The following SFI1 variants were observed in gnomAD, a reference collection of about 807,000 sequenced individuals.
The protein encoded by SFI1 is SFI1 centrin binding protein.
In SFI1, 195 loss-of-function variants were observed where a neutral mutation model predicts 207.5. That is an observed-to-expected ratio of 0.94 (90% CI 0.84 to 1.06). The LOEUF (loss-of-function observed/expected upper bound fraction) is 1.06, where lower values mean the gene tolerates loss of function less well. Ranked by LOEUF, SFI1 falls within the 50% of genes least tolerant of loss-of-function variation. SFI1 has a pLI of 0.00. For synonymous variants in SFI1, 630 were observed against 598.9 expected, an observed-to-expected ratio of 1.05 and a Z score of -0.76; for missense variants, 1,634 against 1,588.0, an observed-to-expected ratio of 1.03 and a Z score of -0.49.
intron 29 of SFI1, chr22:31,616,511 A>T (rs2071486648): frequency 2.2e-6 from 1 of 447,774 alleles, no homozygotes. Flanking sequence ...CTGTGGTGAC[A>T]CGGGGTGCTC....
chr22:31,525,810 G>C (rs1287188551), intron 2 of SFI1, among the ~76,000 whole-genome samples: 1 of 152,032 alleles, frequency 6.6e-6, no homozygotes, highest in Non-Finnish European at 1.5e-5. Flanking sequence ...TGTTCCATTG[G>C]CCTATGTGTC....
At chr22:31,601,283 C>T (rs937353512) in intron 15 of SFI1, among the ~76,000 whole-genome samples, 1 of 151,902 alleles carries the variant, frequency 6.6e-6, no homozygotes, top group Non-Finnish European at 1.5e-5. Flanking sequence ...ACCACCAGGC[C>T]CAGCTAATTT....
chr22:31,569,407 C>T (rs1425502892), intron 8 of SFI1, among the ~76,000 whole-genome samples: 2 of 152,064 alleles, frequency 1.3e-5, no homozygotes, highest in African/African-American at 2.4e-5. Context: ...TGACTCCAAG[C>T]CTAATGCAAA....
At chr22:31,544,212 C>T (rs2059871985) in intron 4 of SFI1, among the ~76,000 whole-genome samples, 1 of 151,978 alleles carries the variant, frequency 6.6e-6, no homozygotes. Flanking sequence ...AAATCAGCAC[C>T]ATCTGTCACT....
intron 8 of SFI1, among the ~76,000 whole-genome samples, chr22:31,564,814 ATT>A (rs776647555): frequency 9.8e-5 from 11 of 111,872 alleles, no homozygotes; most frequent in Admixed American, 1.0e-4. Context: ...CTGGCCCAGA[ATT>A]TTTTTTTTTT....
chr22:31,608,582 T>C (rs1456427151), intron 22 of SFI1, among the ~76,000 whole-genome samples: 2 of 152,022 alleles, frequency 1.3e-5, no homozygotes, highest in African/African-American at 4.8e-5. Context: ...AGAAATCTAT[T>C]CCCAACTGAC....
Position 31,531,093 on chromosome 22 carries a change from G to C in SFI1, c.302G>C (p.Arg101Pro), listed in dbSNP as rs200150663. Residue 101 changes from arginine (R) to proline (P), a missense_variant, in exon 4 of 33, where the codon CGA becomes CCA. Coordinates refer to ENST00000400288, the MANE Select transcript of SFI1 (RefSeq NM_001007467.3). ...VARKFLYLWI[R>P]MTFGRVFPSK... The stretch of plus-strand genomic sequence containing the variant: ...AGAAAGTTCTTATATTTATGGATTC[G>C]AATGACTTTTGGAAGAGTATTTCCC... 1.4e-3 allele frequency: 2,290 copies of C among 1,613,402 alleles called. 5 individuals are homozygous for C. Among genetic ancestry groups the C allele is most frequent in the Non-Finnish European group, 1.6e-3 (1,894 of 1,179,748 alleles).
Position 31,613,712 on chromosome 22 carries a change from G to A in SFI1, c.2853G>A (p.Arg951=). 2 of 1,613,182 alleles carry A rather than the reference G, an allele frequency of 1.2e-6. No individual in the cohort carries two copies. The highest frequency in any genetic ancestry group is 1.7e-6 in the Non-Finnish European group (2 of 1,179,918). Residue 951 remains arginine, a synonymous_variant, in exon 27 of 33, where the codon AGG becomes AGA. Coordinates refer to ENST00000400288, the MANE Select transcript of SFI1 (RefSeq NM_001007467.3). The part of the protein sequence containing the change: ...PQPLAAIAPS[R]KVTFEGPLLN... ...CCCTGGCAGCCATCGCACCCAGCAG[G>A]AAAGTGACGTTTGAGGGTCCCCTTC... is the stretch of plus-strand genomic sequence containing the variant.
At chr22:31,607,899 GTA>G in intron 21 of SFI1, 36 bp from the exon 22 acceptor site, 1 of 1,591,712 alleles carries the variant, frequency 6.3e-7, no homozygotes, top group Non-Finnish European at 8.6e-7. Context: ...AAGCCAGGAG[GTA>G]TAGTGACTCT....
At position 31,550,320 on chromosome 22, in the gene SFI1, G is replaced by C. The variant is rs1367599147; in HGVS notation, c.516G>C (p.Arg172Ser). 1 of 1,614,106 alleles carries C rather than the reference G, an allele frequency of 6.2e-7. No homozygotes were observed. Among genetic ancestry groups the C allele is most frequent in the South Asian group, 1.1e-5 (1 of 91,068 alleles). ...ATGTGCGTCAGCAGCAGGAGATGAG[G>C]AACAAGTACATTAGAGCCGAGGTTC... ...KTYVRQQQEM[R>S]NKYIRAEVHD... Residue 172 changes from arginine to serine, a missense_variant, in exon 6 of 33, where the codon AGG becomes AGC. Arg to Ser is a moderately radical substitution (Grantham distance 110). Coordinates refer to ENST00000400288, the MANE Select transcript of SFI1 (RefSeq NM_001007467.3).
At position 31,597,056 on chromosome 22, in the gene SFI1, A is replaced by G. The variant is rs567799732; in HGVS notation, c.1545-5156A>G. 2.6e-4 allele frequency among the ~76,000 whole-genome samples: 39 copies of G among 149,832 alleles called. 1 individual carries two copies. The highest frequency in any genetic ancestry group is 8.9e-4 in the African/African-American group (36 of 40,388). On this transcript the variant is annotated intron_variant, in intron 15 of 32. Transcript: ENST00000400288. The stretch of plus-strand genomic sequence containing the variant: ...TTCAGTACTGAAGACACGCACACAC[A>G]GTACCCGTTTCCAAATGGCTTCAGT...
intron 7 of SFI1, chr22:31,559,637 A>G (rs984490239): frequency 1.3e-5 from 9 of 717,132 alleles, no homozygotes; most frequent in Non-Finnish European, 2.3e-5. Flanking sequence ...CGTTGACCTC[A>G]CCAAGTGGGC....
In SFI1 at chr22:31,511,564, TCAAG is replaced by T. The variant is rs1279044405; in HGVS notation, c.92+3192_92+3195del. ...CTCACTGCAACCTCTGCCTCCCAGT[TCAAG>T]CAATTCTCCTGCCTCAGCCTGGTTT... On this transcript the variant is annotated intron_variant, in intron 2 of 32. Coordinates refer to ENST00000400288, the MANE Select transcript of SFI1 (RefSeq NM_001007467.3). Among the ~76,000 whole-genome samples the T allele has an allele frequency of 2.7e-5, 4 of 147,122 alleles. No homozygotes were observed. The East Asian group carries it at 8.8e-4, about 33-fold the overall frequency.
At chr22:31,578,195 A>G (rs1478635198) in intron 10 of SFI1, 187 bp from the exon 11 acceptor site, 1 of 400,954 alleles carries the variant, frequency 2.5e-6, no homozygotes, top group Non-Finnish European at 4.4e-6. Flanking sequence ...ATGTTTGATC[A>G]GTAACTGACA....
intron 15 of SFI1, among the ~76,000 whole-genome samples, chr22:31,599,159 G>C (rs2067700766): frequency 6.6e-6 from 1 of 151,724 alleles, no homozygotes; most frequent in East Asian, 1.9e-4. Context: ...GCTACTCTAA[G>C]ATCTGAAAAT....
At chr22:31,530,945 A>T in intron 3 of SFI1, 113 bp from the exon 4 acceptor site, 1 of 793,638 alleles carries the variant, frequency 1.3e-6, no homozygotes, top group South Asian at 1.7e-5. Context: ...CTTTTGATTC[A>T]TACTAACATC....
In SFI1 at chr22:31,528,682, A is replaced by T. The variant is rs2058173440; in HGVS notation, c.93-8A>T. 4 of 1,611,266 alleles carry T rather than the reference A, an allele frequency of 2.5e-6. No homozygotes were observed. In the East Asian group the frequency reaches 8.9e-5, roughly 36 times the overall value. Reference sequence around the variant, plus strand: ...TCTCTCCTTGCCTCTTTCGTCCTCAAATTTAAGGTATTTTAAGGATGGTGC... The same window carrying T: ...TCTCTCCTTGCCTCTTTCGTCCTCATATTTAAGGTATTTTAAGGATGGTGC... On this transcript the variant is annotated splice_polypyrimidine_tract_variant and splice_region_variant and intron_variant, in intron 2 of 32. Coordinates refer to ENST00000400288, the MANE Select transcript of SFI1 (RefSeq NM_001007467.3).
intron 14 of SFI1, among the ~76,000 whole-genome samples, chr22:31,589,024 GATAT>G (rs2065421071): frequency 6.6e-6 from 1 of 152,034 alleles, no homozygotes; most frequent in South Asian, 2.1e-4. Flanking sequence ...AAAATCAAAA[GATAT>G]ATTATGGGGT....
At chr22:31,547,335 G>A (rs1260550454) in intron 5 of SFI1, among the ~76,000 whole-genome samples, 1 of 152,204 alleles carries the variant, frequency 6.6e-6, no homozygotes, top group East Asian at 1.9e-4. Context: ...TTTTGAGACA[G>A]AGTCTCACTC....
Sources: gnomAD v4.1 joint callset for allele counts (sites outside exome capture counted in the v4.1 genomes callset) on GRCh38, gnomAD v4.1.1 for gene constraint, MANE v1.5 for transcripts, NCBI Gene and HGNC (gene_info 2026-07-23, HGNC 2026-07-21) for gene names.